The following DOCK6 variants were observed in gnomAD, a reference collection of about 807,000 sequenced individuals.
The protein encoded by DOCK6 is dedicator of cytokinesis protein 6.
A neutral mutation model predicts 230.3 loss-of-function variants in DOCK6; 167 were observed. The observed-to-expected ratio is 0.73, with a 90% CI of 0.64 to 0.82. The LOEUF (loss-of-function observed/expected upper bound fraction) is 0.82. Ranked by LOEUF, DOCK6 falls within the 40% of genes least tolerant of loss-of-function variation. The pLI is 0.00. For synonymous variants in DOCK6, 1,148 were observed against 1,185.0 expected, an observed-to-expected ratio of 0.97 and a Z score of 0.64; for missense variants, 2,598 against 2,825.8, an observed-to-expected ratio of 0.92 and a Z score of 1.83.
chr19:11,247,151 A>G (rs977456050), intron 7 of DOCK6: 1 of 152,146 alleles, frequency 6.6e-6, no homozygotes, highest in Non-Finnish European at 1.5e-5. Flanking sequence ...GTGCAGTGGC[A>G]CAATCTCGGC....
chr19:11,252,079 C>T (rs968724399), intron 5 of DOCK6, 40 bp downstream of exon 5: 2 of 1,573,334 alleles, frequency 1.3e-6, no homozygotes, highest in Non-Finnish European at 1.7e-6. Context: ...GGAGCCTCCA[C>T]ACATACCCCT....
chr19:11,253,549 G>A (rs751973873), intron 2 of DOCK6, 90 bp downstream of exon 2: 59 of 847,810 alleles, frequency 7.0e-5, no homozygotes, highest in Non-Finnish European at 9.2e-5. Context: ...CCACAGGAGG[G>A]AGGGGGTGGG....
At position 11,237,741 on chromosome 19, in the gene DOCK6, G is replaced by A; in HGVS notation, c.1871C>T (p.Pro624Leu). 2 of 1,578,068 alleles carry A rather than the reference G, an allele frequency of 1.3e-6. No individual in the cohort carries two copies. The highest frequency in any genetic ancestry group is 1.2e-5 in the South Asian group (1 of 85,714). ...GTGATGGTTCTCTGTCACGCAGGCTGGAAGATGCAGCTTGAACTCCTCGTA... is the reference window on the plus strand; with the variant it reads ...GTGATGGTTCTCTGTCACGCAGGCTAGAAGATGCAGCTTGAACTCCTCGTA... ...EFYEEFKLHLPACVTENHHLL... is the reference protein window; with the variant it reads ...EFYEEFKLHLLACVTENHHLL... The change falls in exon 17 of 48, where the codon CCA becomes CTA. Residue 624 changes from proline (P) to leucine (L), a missense_variant. Physicochemically the swap from Pro to Leu is moderately conservative, Grantham distance 98 (BLOSUM62 -3). Transcript: ENST00000294618.
At position 11,215,863 on chromosome 19, in the gene DOCK6, C is replaced by T. The variant is rs751053727; in HGVS notation, c.3959G>A (p.Arg1320Gln). The T allele has an allele frequency of 1.9e-5, 31 of 1,613,896 alleles. No homozygotes were observed. The highest frequency in any genetic ancestry group is 5.0e-5 in the Admixed American group (3 of 60,014). The change falls in exon 31 of 48, where the codon CGG becomes CAG. Residue 1320 changes from arginine to glutamine, a missense_variant. Coordinates refer to ENST00000294618, the MANE Select transcript of DOCK6 (RefSeq NM_020812.4). ...GGTACCCAGAATGGCTTCCTCTAGC[C>T]GCGCCTTCATATCCAGAGATTTTTT... ...TFKKSLDMKA[R>Q]LEEAILGTIG...
At chr19:11,234,469 A>T (rs899269752) in intron 21 of DOCK6, among the ~76,000 whole-genome samples, 4 of 151,220 alleles carry the variant, frequency 2.6e-5, no homozygotes, top group Non-Finnish European at 5.9e-5. Flanking sequence ...CCTGAGAATA[A>T]TGCCTGACAC....
Position 11,199,487 on chromosome 19 carries a change from C to T in DOCK6, c.*10G>A. 1 of 1,578,530 alleles carries T rather than the reference C, an allele frequency of 6.3e-7. No homozygotes were observed. Among genetic ancestry groups the T allele is most frequent in the Non-Finnish European group, 8.6e-7 (1 of 1,162,078 alleles). Reference sequence around the variant, plus strand: ...TGGTTCCTCTAGGTACAGCTTTGGTCCTTGTGGGCTCAGAGGTCTGCCTTT... The same window carrying T: ...TGGTTCCTCTAGGTACAGCTTTGGTTCTTGTGGGCTCAGAGGTCTGCCTTT... On this transcript the variant is annotated 3_prime_UTR_variant, in exon 48 of 48. Transcript: ENST00000294618.
chr19:11,236,852 CCA>C lies in DOCK6; in HGVS notation c.2099_2100del (p.Val700GlyfsTer106). 6.4e-7 allele frequency: 1 copy of C among 1,555,162 alleles called. No individual in the cohort carries two copies. The highest frequency in any genetic ancestry group is 8.7e-7 in the Non-Finnish European group (1 of 1,149,566). On this transcript the variant is annotated frameshift_variant, in exon 19 of 48. Coordinates refer to ENST00000294618, the MANE Select transcript of DOCK6 (RefSeq NM_020812.4). LOFTEE classifies it high-confidence loss of function. This position sits in a 1 kb window ranked among gnomAD's most constrained non-coding sequence, Gnocchi z 5.2. ...ACACTGAACACGCCCTTGTGACCGT[CCA>C]CCCAGCGCATGCCCGGAAGCGCCAC... ...PDVALPGMRW[V>X]DGHKGVFSVE...
At chr19:11,239,285 G>A (rs2147838806) in intron 14 of DOCK6, among the ~76,000 whole-genome samples, 2 of 152,288 alleles carry the variant, frequency 1.3e-5, no homozygotes, top group Middle Eastern at 3.4e-3. Context: ...AACAGCTCAG[G>A]GCAAACCATC....
chr19:11,224,441 C>A (rs565000707), intron 24 of DOCK6, among the ~76,000 whole-genome samples: 3 of 152,120 alleles, frequency 2.0e-5, no homozygotes, highest in African/African-American at 7.2e-5. Flanking sequence ...AAACTCCTGA[C>A]CTCAGGTGAT....
Position 11,243,571 on chromosome 19 carries a change from G to C in DOCK6, c.1244C>G (p.Ser415Cys), listed in dbSNP as rs765533535. The change falls in exon 11 of 48, where the codon TCT becomes TGT. Residue 415 changes from serine to cysteine, a missense_variant. By Grantham distance (112) the Ser-to-Cys change is moderately radical. Coordinates refer to ENST00000294618, the MANE Select transcript of DOCK6 (RefSeq NM_020812.4). The surrounding 1 kb of genome is among the most constrained non-coding windows in gnomAD (Gnocchi z 6.3). ...VSSAGQLDRD[S>C]DSEGERRPAW... ...CGCCTCCTCACCGCCCTCCGAGTCA[G>C]AGTCCCGGTCCAGCTGCCCAGCGCT... 2 of 1,605,730 alleles carry C rather than the reference G, an allele frequency of 1.2e-6. No homozygotes were observed. Among genetic ancestry groups the C allele is most frequent in the South Asian group, 2.2e-5 (2 of 89,852 alleles).
chr19:11,221,594 T>A (rs900514970), intron 28 of DOCK6: 3 of 516,828 alleles, frequency 5.8e-6, no homozygotes, highest in African/African-American at 5.7e-5. Context: ...GCTGACAATA[T>A]CTCAGTACTA....
At chr19:11,232,802 T>A (rs1407120783) in intron 22 of DOCK6, among the ~76,000 whole-genome samples, 2 of 151,834 alleles carry the variant, frequency 1.3e-5, no homozygotes, top group East Asian at 3.9e-4. Context: ...TGGGGGTGAA[T>A]GTGTATATGC....
intron 5 of DOCK6, 36 bp downstream of exon 5, chr19:11,252,083 T>C: frequency 6.3e-7 from 1 of 1,575,024 alleles, no homozygotes; most frequent in Middle Eastern, 2.1e-4. Flanking sequence ...CCTCCACACA[T>C]ACCCCTTCAG....
chr19:11,210,485 CCTGTCTAT>C, intron 37 of DOCK6, among the ~76,000 whole-genome samples: 1 of 147,154 alleles, frequency 6.8e-6, no homozygotes, highest in African/African-American at 2.5e-5. Flanking sequence ...CACCCCCTCA[CCTGTCTAT>C]CCCCTCACCT....
chr19:11,234,746 G>A (rs2079820590), intron 21 of DOCK6, among the ~76,000 whole-genome samples: 1 of 152,194 alleles, frequency 6.6e-6, no homozygotes, highest in South Asian at 2.1e-4. Flanking sequence ...TCCGCTCCAA[G>A]CTACTGAAGA....
rs931395172 is a variant in DOCK6 at position 11,200,260 on chromosome 19, T to G, written c.6101+48A>C. 6.5e-7 allele frequency: 1 copy of G among 1,531,530 alleles called. No homozygotes were observed. The highest frequency in any genetic ancestry group is 1.4e-5 in the African/African-American group (1 of 72,648). 94.9% of individuals were successfully genotyped at this position (1,531,530 alleles called of 1,614,324 possible). On this transcript the variant is annotated intron_variant, in intron 47 of 47. Transcript: ENST00000294618. The surrounding 1 kb of genome is among the most constrained non-coding windows in gnomAD (Gnocchi z 4.3). ...CATCCTGTACCTGTCCTGGTCTGCC[T>G]CTGCATCCCCTCTCTAGTCTCTAGG...
chr19:11,225,039 G>A (rs1351918497), intron 24 of DOCK6, among the ~76,000 whole-genome samples: 4 of 151,852 alleles, frequency 2.6e-5, no homozygotes, highest in Admixed American at 2.6e-4. Flanking sequence ...ACTCCCGCCT[G>A]GGCGACAGAA....
At position 11,245,594 on chromosome 19, in the gene DOCK6, T is replaced by C. The variant is rs867032546; in HGVS notation, c.992A>G (p.Tyr331Cys). ...GACCAGGAAGATGTCAGGTGAGGGG[T>C]AGGTCACAGAGAAGATGGCAGAGCG... ...LARSAIFSVT[Y>C]PSPDIFLVIK... The change falls in exon 9 of 48, where the codon TAC (tyrosine) becomes TGC (cysteine). Residue 331 changes from tyrosine (Y) to cysteine (C), a missense_variant. Physicochemically the swap from Tyr to Cys is radical, Grantham distance 194. Coordinates refer to ENST00000294618, the MANE Select transcript of DOCK6 (RefSeq NM_020812.4). The C allele has an allele frequency of 3.2e-6, 5 of 1,567,316 alleles. No individual in the cohort carries two copies. The Admixed American group carries it at 7.6e-5, about 24-fold the overall frequency.
rs765854002 is a variant in DOCK6, at chr19:11,201,295, G to A, written c.5689-243C>T. Among the ~76,000 whole-genome samples the A allele has an allele frequency of 3.9e-5, 6 of 152,066 alleles. No homozygotes were observed. Among genetic ancestry groups the A allele is most frequent in the Non-Finnish European group, 8.8e-5 (6 of 67,986 alleles). On this transcript the variant is annotated intron_variant, in intron 44 of 47. Coordinates refer to ENST00000294618, the MANE Select transcript of DOCK6 (RefSeq NM_020812.4). This position sits in a 1 kb window ranked among gnomAD's most constrained non-coding sequence, Gnocchi z 4.3. ...TCTCCAGACTTCCTTGGGTCTGGAG[G>A]TAGAGATTTGGACTGGAAGTTGGAG... is the stretch of plus-strand genomic sequence containing the variant.
Sources: allele counts gnomAD v4.1 joint callset (sites outside exome capture counted in the v4.1 genomes callset), GRCh38; gene constraint gnomAD v4.1.1; non-coding constraint Gnocchi (gnomAD v3.1); transcripts MANE v1.5; gene names NCBI Gene and HGNC (gene_info 2026-07-23, HGNC 2026-07-21).